CCBE1: variants seen among roughly 807,000 people sequenced by gnomAD.
The protein encoded by CCBE1 is collagen and calcium binding EGF domains 1.
A neutral mutation model predicts 50.0 loss-of-function variants in CCBE1; 37 were observed. That is an observed-to-expected ratio of 0.74 (90% CI 0.57 to 0.97). The LOEUF is 0.97. Among genes scored for constraint, CCBE1 ranks in the 50% least tolerant of loss-of-function variants. The pLI is 0.00. For synonymous variants in CCBE1, 234 were observed against 203.7 expected (o/e 1.15, Z -1.27); for missense variants, 538 against 523.8 (o/e 1.03, Z -0.26).
In CCBE1 at chr18:59,435,743, G is replaced by A. The variant is rs1910119777; in HGVS notation, c.*165C>T. 2.7e-6 allele frequency: 2 copies of A among 738,686 alleles called. No individual in the cohort carries two copies. Among genetic ancestry groups the A allele is most frequent in the Non-Finnish European group, 4.8e-6 (2 of 414,870 alleles). The allele number at this position is 738,686 out of a possible 1,614,324, so 45.8% of individuals were successfully genotyped here. On this transcript the variant is annotated 3_prime_UTR_variant, in exon 11 of 11. Coordinates refer to ENST00000439986, the MANE Select transcript of CCBE1 (RefSeq NM_133459.4). ...GTCTGCAGGCCTAGGAGGGGACTCTGAAAATAGCATCGTATTTGGAAGAAG... is the reference window on the plus strand; with the variant it reads ...GTCTGCAGGCCTAGGAGGGGACTCTAAAAATAGCATCGTATTTGGAAGAAG...
chr18:59,562,835 G>T (rs2052760524), intron 2 of CCBE1, among the ~76,000 whole-genome samples: 1 of 152,156 alleles, frequency 6.6e-6, no homozygotes, highest in Non-Finnish European at 1.5e-5. Flanking sequence ...GGCCACATGT[G>T]TCTCTATGTC....
At chr18:59,470,490 C>A (rs1254611923) in intron 3 of CCBE1, among the ~76,000 whole-genome samples, 5 of 152,148 alleles carry the variant, frequency 3.3e-5, no homozygotes, top group Non-Finnish European at 7.3e-5. Context: ...TGTGTGTATA[C>A]TGTATAAGTG....
chr18:59,455,937 G>T (rs1246377028), intron 5 of CCBE1, among the ~76,000 whole-genome samples: 1 of 152,226 alleles, frequency 6.6e-6, no homozygotes, highest in African/African-American at 2.4e-5. Flanking sequence ...CTAGAACGCA[G>T]ACTGGGGAAG....
In CCBE1 at chr18:59,619,524, T is replaced by C. The variant is rs1025385793; in HGVS notation, c.212+77105A>G. On this transcript the variant is annotated intron_variant, in intron 2 of 10. Transcript: ENST00000439986. ...GTAAAGGTACATGTTAAATAATACT[T>C]CCTTCCTCACTGGTTTGTAATATGT... Among the ~76,000 whole-genome samples the C allele has an allele frequency of 2.0e-5, 3 of 152,250 alleles. 1 individual carries two copies. Among genetic ancestry groups the C allele is most frequent in the Non-Finnish European group, 4.4e-5 (3 of 68,038 alleles).
In CCBE1 at chr18:59,433,827, C is replaced by G. The variant is rs575546835; in HGVS notation, c.*2081G>C. 1 of 145,744 alleles carries G rather than the reference C, an allele frequency of 6.9e-6. No homozygotes were observed. The highest frequency in any genetic ancestry group is 2.1e-4 in the East Asian group (1 of 4,860). 9.0% of individuals were successfully genotyped at this position (145,744 alleles called of 1,614,324 possible). A position where few individuals can be genotyped will look rare whatever the true frequency, so the allele number is the denominator to read the frequency against. On this transcript the variant is annotated 3_prime_UTR_variant, in exon 11 of 11. Transcript: ENST00000439986. ...CACTGTGGTCTCGATCTCCTGACCT[C>G]GTGATCCGCCCGCCTCGGCCTCCCA...
At chr18:59,645,855 C>A (rs908800439) in intron 2 of CCBE1, among the ~76,000 whole-genome samples, 2 of 152,108 alleles carry the variant, frequency 1.3e-5, no homozygotes, top group African/African-American at 4.8e-5. Flanking sequence ...CACGGTGAAA[C>A]CCCGTCTCTG....
At chr18:59,592,602 G>T (rs2053288105) in intron 2 of CCBE1, among the ~76,000 whole-genome samples, 1 of 152,040 alleles carries the variant, frequency 6.6e-6, no homozygotes, top group African/African-American at 2.4e-5. Flanking sequence ...TATAATAAAG[G>T]GGACAAAACT....
chr18:59,537,542 C>A (rs1464054812), intron 2 of CCBE1, among the ~76,000 whole-genome samples: 1 of 152,148 alleles, frequency 6.6e-6, no homozygotes. Context: ...TGCCTTTTGC[C>A]TTCCACCATG....
rs137934282 is a variant in CCBE1 at position 59,624,280 on chromosome 18, G to A, written c.212+72349C>T. ...TTTAGCCTCAAATTCTCTTTGGCCT[G>A]TGACATAACCATTCCAAGGTTCTGA... On this transcript the variant is annotated intron_variant, in intron 2 of 10. Transcript: ENST00000439986. Among the ~76,000 whole-genome samples, 9 of 152,310 alleles carry A rather than the reference G, an allele frequency of 5.9e-5. No individual in the cohort carries two copies. In the East Asian group the frequency reaches 1.5e-3, roughly 26 times the overall value.
chr18:59,697,408 G>A lies in CCBE1; in HGVS notation c.-66C>T, dbSNP rs1222770326. On this transcript the variant is annotated 5_prime_UTR_variant, in exon 1 of 11. Coordinates refer to ENST00000439986, the MANE Select transcript of CCBE1 (RefSeq NM_133459.4). The stretch of plus-strand genomic sequence containing the variant: ...CGGACCAAGCGTCCTGCTCCTCCGC[G>A]GCCGCCGCCGCCTTCCCTCTTCCCG... 2 of 1,509,970 alleles carry A rather than the reference G, an allele frequency of 1.3e-6. No homozygotes were observed. Among genetic ancestry groups the A allele is most frequent in the Non-Finnish European group, 1.8e-6 (2 of 1,131,310 alleles). 93.5% of individuals were successfully genotyped at this position (1,509,970 alleles called of 1,614,324 possible).
chr18:59,625,741 C>T (rs1009479265), intron 2 of CCBE1, among the ~76,000 whole-genome samples: 2 of 152,076 alleles, frequency 1.3e-5, no homozygotes, highest in Non-Finnish European at 2.9e-5. Context: ...TAGGTAACTG[C>T]TATGGTCTGA....
chr18:59,631,585 T>C (rs1249453075), intron 2 of CCBE1, among the ~76,000 whole-genome samples: 1 of 152,336 alleles, frequency 6.6e-6, no homozygotes, highest in South Asian at 2.1e-4. Context: ...CCAGATCAGC[T>C]ACCTGCAAAT....
chr18:59,469,564 C>T lies in CCBE1; in HGVS notation c.309G>A (p.Thr103=), dbSNP rs560555551. 6 of 1,614,170 alleles carry T rather than the reference C, an allele frequency of 3.7e-6. No individual in the cohort carries two copies. The highest frequency in any genetic ancestry group is 2.2e-5 in the East Asian group (1 of 44,886). ...TACACAGCACTCGGCCAAAGTTGTC[C>T]GTGCACTGCTGTTCACAGGGAGCCT... ...CAEAPCEQQC[T]DNFGRVLCTC... is the part of the protein sequence containing the mutation. The change falls in exon 4 of 11, where the codon ACG becomes ACA. Residue 103 remains threonine, a synonymous_variant. Transcript: ENST00000439986.
At chr18:59,576,866 C>T (rs752665053) in intron 2 of CCBE1, among the ~76,000 whole-genome samples, 6 of 152,182 alleles carry the variant, frequency 3.9e-5, no homozygotes, top group Non-Finnish European at 7.3e-5. Flanking sequence ...AGTGAGAATA[C>T]CAGCAAGTCT....
intron 2 of CCBE1, among the ~76,000 whole-genome samples, chr18:59,531,628 G>A (rs150139901): frequency 7.2e-5 from 11 of 152,110 alleles, no homozygotes; most frequent in South Asian, 2.1e-4. Flanking sequence ...CATGTCTTTC[G>A]TCCCAGATAA....
chr18:59,585,614 T>C (rs1414199299), intron 2 of CCBE1, among the ~76,000 whole-genome samples: 1 of 152,220 alleles, frequency 6.6e-6, no homozygotes, highest in Non-Finnish European at 1.5e-5. Context: ...TATCTTATTT[T>C]GTTAAGTATC....
At chr18:59,496,632 A>T (rs2143823182) in intron 2 of CCBE1, among the ~76,000 whole-genome samples, 1 of 152,318 alleles carries the variant, frequency 6.6e-6, no homozygotes, top group African/African-American at 2.4e-5. Flanking sequence ...GAAAATATTC[A>T]ACTTTATTTG....
chr18:59,515,649 C>T (rs544106276), intron 2 of CCBE1, among the ~76,000 whole-genome samples: 2 of 152,274 alleles, frequency 1.3e-5, no homozygotes, highest in South Asian at 2.1e-4. Flanking sequence ...TAAACACTAC[C>T]TTAAAAGCTC....
intron 2 of CCBE1, among the ~76,000 whole-genome samples, chr18:59,673,756 G>A (rs930037667): frequency 2.0e-5 from 3 of 152,176 alleles, no homozygotes; most frequent in East Asian, 1.9e-4. Context: ...ATTGATTTGC[G>A]TATGTTGAAC....
Sources: allele counts gnomAD v4.1 joint callset (sites outside exome capture counted in the v4.1 genomes callset), GRCh38; gene constraint gnomAD v4.1.1; transcripts MANE v1.5; gene names NCBI Gene and HGNC (gene_info 2026-07-23, HGNC 2026-07-21).